HINT3: variants seen among roughly 807,000 people sequenced by gnomAD.
HINT3 encodes histidine triad nucleotide binding protein 3.
HINT3 carries 16 observed loss-of-function variants against 19.1 expected under a neutral mutation model. The ratio of observed to expected loss-of-function variants is 0.84; its 90% CI spans 0.57 to 1.27. HINT3 has a LOEUF of 1.27. HINT3 is among the 50% of genes most tolerant of loss of function. The pLI, the probability that HINT3 is intolerant of heterozygous loss-of-function variation, is 0.00. For missense variants in HINT3, 197 were observed against 225.8 expected (o/e 0.87, Z 0.82); for synonymous variants, 75 against 84.8 (o/e 0.88, Z 0.63).
At chr6:125,967,396 A>G (rs945300746) in intron 2 of HINT3, among the ~76,000 whole-genome samples, 5 of 144,324 alleles carry the variant, frequency 3.5e-5, no homozygotes, top group Admixed American at 1.5e-4. Context: ...CGGTGGTGCA[A>G]TCTCGGCTCA....
At chr6:125,975,105 A>G (rs75747983) in intron 4 of HINT3, 132 bp downstream of exon 4, 12,586 of 696,194 alleles carry the variant, frequency 0.018, 157 homozygotes, top group Non-Finnish European at 0.021. Flanking sequence ...TACTGCTTGC[A>G]CATATCCAAA....
chr6:125,970,664 C>T (rs903822149), intron 2 of HINT3, among the ~76,000 whole-genome samples: 3 of 152,030 alleles, frequency 2.0e-5, no homozygotes, highest in African/African-American at 7.2e-5. Context: ...AGAACACTAT[C>T]AAGGAATATG....
intron 2 of HINT3, among the ~76,000 whole-genome samples, chr6:125,971,953 C>T (rs1028068027): frequency 9.9e-5 from 15 of 152,030 alleles, no homozygotes; most frequent in African/African-American, 3.4e-4. Flanking sequence ...CCTCGTGATC[C>T]GCCTGCCTCG....
At chr6:125,960,317 T>G (rs1788900468) in intron 1 of HINT3, among the ~76,000 whole-genome samples, 1 of 152,162 alleles carries the variant, frequency 6.6e-6, no homozygotes, top group South Asian at 2.1e-4. Flanking sequence ...TGACCCAGGG[T>G]TGGGATTTTG....
chr6:125,956,813 T>C lies in HINT3; in HGVS notation c.-165T>C, dbSNP rs971759457. ...TTGAGGCCGGCCTCCGGCTTTGAAG[T>C]TCCTCACCGCGTCTCCTTCCCTCTC... is the stretch of plus-strand genomic sequence containing the variant. On this transcript the variant is annotated 5_prime_UTR_variant, in exon 1 of 5. Transcript: ENST00000229633. 4.0e-6 allele frequency: 3 copies of C among 748,032 alleles called. No homozygotes were observed. The highest frequency in any genetic ancestry group is 3.5e-5 in the African/African-American group (2 of 56,478). The allele number at this position is 748,032 out of a possible 1,614,324, so 46.3% of individuals were successfully genotyped here. A position where few individuals can be genotyped will look rare whatever the true frequency, so the allele number is the denominator to read the frequency against.
At position 125,979,348 on chromosome 6, in the gene HINT3, A is replaced by G. The variant is rs547620093; in HGVS notation, c.*1672A>G. 1.3e-5 allele frequency: 2 copies of G among 152,346 alleles called. No individual in the cohort carries two copies. Among genetic ancestry groups the G allele is most frequent in the African/African-American group, 4.8e-5 (2 of 41,568 alleles). 9.4% of individuals were successfully genotyped at this position (152,346 alleles called of 1,614,324 possible). A position where few individuals can be genotyped will look rare whatever the true frequency, so the allele number is the denominator to read the frequency against. ...AGATTAACAGTTACAAGTTTCCATA[A>G]ATCAGTTAGAATATGACTAGCTTCA... is the stretch of plus-strand genomic sequence containing the variant. On this transcript the variant is annotated 3_prime_UTR_variant, in exon 5 of 5. Coordinates refer to ENST00000229633, the MANE Select transcript of HINT3 (RefSeq NM_138571.5).
intron 1 of HINT3, among the ~76,000 whole-genome samples, chr6:125,966,574 G>C (rs1301928083): frequency 6.6e-6 from 1 of 152,152 alleles, no homozygotes; most frequent in Non-Finnish European, 1.5e-5. Flanking sequence ...AAAAACTTTA[G>C]GGTAGGGATA....
chr6:125,978,858 T>G lies in HINT3; in HGVS notation c.*1182T>G, dbSNP rs1789211081. The G allele has an allele frequency of 1.3e-5, 2 of 152,208 alleles. No individual in the cohort carries two copies. The highest frequency in any genetic ancestry group is 4.1e-4 in the South Asian group (2 of 4,828). 9.4% of individuals were successfully genotyped at this position (152,208 alleles called of 1,614,324 possible). A position where few individuals can be genotyped will look rare whatever the true frequency, so the allele number is the denominator to read the frequency against. On this transcript the variant is annotated 3_prime_UTR_variant, in exon 5 of 5. Transcript: ENST00000229633. ...TCAATAGTTTTATTTGTTCATTAATTTATTCATTCAGCAAACATTTGTTGA... is the reference window on the plus strand; with the variant it reads ...TCAATAGTTTTATTTGTTCATTAATGTATTCATTCAGCAAACATTTGTTGA...
chr6:125,974,653 G>A (rs1426791503), intron 3 of HINT3, among the ~76,000 whole-genome samples, 194 bp from the exon 4 acceptor site: 1 of 152,152 alleles, frequency 6.6e-6, no homozygotes, highest in Non-Finnish European at 1.5e-5. Flanking sequence ...ATGTTACTAC[G>A]AACTTCAACA....
At chr6:125,962,269 T>C (rs185097859) in intron 1 of HINT3, among the ~76,000 whole-genome samples, 624 of 21,282 alleles carry the variant, frequency 0.029, 78 homozygotes, top group Middle Eastern at 0.094. Flanking sequence ...TATATATATA[T>C]ACATACATAT....
At chr6:125,974,661 A>G (rs1241240797) in intron 3 of HINT3, among the ~76,000 whole-genome samples, 186 bp from the exon 4 acceptor site, 1 of 152,244 alleles carries the variant, frequency 6.6e-6, no homozygotes, top group African/African-American at 2.4e-5. Context: ...ACGAACTTCA[A>G]CATGAAAAGA....
At position 125,974,961 on chromosome 6, in the gene HINT3, T is replaced by C. The variant is rs762691620; in HGVS notation, c.504T>C (p.Tyr168=). The C allele has an allele frequency of 6.2e-6, 10 of 1,613,742 alleles. No individual in the cohort carries two copies. Among genetic ancestry groups the C allele is most frequent in the Non-Finnish European group, 8.5e-6 (10 of 1,179,788 alleles). Residue 168 remains tyrosine (Y), a synonymous_variant, in exon 4 of 5, where the codon TAT becomes TAC. Transcript: ENST00000229633. The part of the protein sequence containing the change: ...LSKLVYRVNS[Y]WFITADHLIE... Reference sequence around the variant, plus strand: ...AGTTGGTTTATAGAGTCAATTCCTATTGGTTTATCACAGTGAGTATTCTTG... The same window carrying C: ...AGTTGGTTTATAGAGTCAATTCCTACTGGTTTATCACAGTGAGTATTCTTG...
intron 3 of HINT3, among the ~76,000 whole-genome samples, chr6:125,973,518 T>A (rs1375496196): frequency 6.6e-6 from 1 of 152,238 alleles, no homozygotes; most frequent in Non-Finnish European, 1.5e-5. Flanking sequence ...TGAATTCTAA[T>A]GCCATCCATG....
At chr6:125,962,189 CATATATATATAT>C in intron 1 of HINT3, among the ~76,000 whole-genome samples, 1 of 64,300 alleles carries the variant, frequency 1.6e-5, no homozygotes, top group South Asian at 4.2e-4. Flanking sequence ...TATATATACA[CATATATATATAT>C]ATATATATAC....
At chr6:125,967,575 AC>A (rs1317780173) in intron 2 of HINT3, among the ~76,000 whole-genome samples, 2 of 151,954 alleles carry the variant, frequency 1.3e-5, no homozygotes, top group African/African-American at 4.8e-5. Flanking sequence ...CAGGTGATCC[AC>A]CCACCTAGGC....
At chr6:125,958,865 A>G (rs970740750) in intron 1 of HINT3, among the ~76,000 whole-genome samples, 2 of 152,222 alleles carry the variant, frequency 1.3e-5, no homozygotes, top group African/African-American at 2.4e-5. Flanking sequence ...AGGCTTATCC[A>G]GCCCTCAAAA....
intron 1 of HINT3, among the ~76,000 whole-genome samples, chr6:125,960,835 G>C (rs1457270492): frequency 1.3e-5 from 2 of 152,184 alleles, no homozygotes; most frequent in African/African-American, 4.8e-5. Context: ...AAGGGACCTA[G>C]TTCTGCCTCT....
At chr6:125,966,378 A>T (rs1455069452) in intron 1 of HINT3, among the ~76,000 whole-genome samples, 1 of 152,212 alleles carries the variant, frequency 6.6e-6, no homozygotes, top group African/African-American at 2.4e-5. Context: ...CAAGTAAAAA[A>T]GTCTTTGGAT....
chr6:125,979,111 C>T lies in HINT3; in HGVS notation c.*1435C>T, dbSNP rs781673847. On this transcript the variant is annotated 3_prime_UTR_variant, in exon 5 of 5. Transcript: ENST00000229633. ...CAAGACTGAATGTTAGGCAGGTAGA[C>T]AGTGACTGGTTAGGCTGAGAAACTT... is the stretch of plus-strand genomic sequence containing the variant. The T allele has an allele frequency of 6.6e-6, 1 of 152,152 alleles. No homozygotes were observed. The highest frequency in any genetic ancestry group is 1.5e-5 in the Non-Finnish European group (1 of 68,036). 9.4% of individuals were successfully genotyped at this position (152,152 alleles called of 1,614,324 possible).
Sources: allele counts gnomAD v4.1 joint callset (sites outside exome capture counted in the v4.1 genomes callset), GRCh38; gene constraint gnomAD v4.1.1; transcripts MANE v1.5; gene names NCBI Gene and HGNC (gene_info 2026-07-23, HGNC 2026-07-21).